CTSC: variants seen among roughly 807,000 people sequenced by gnomAD.
CTSC encodes cathepsin C.
CTSC carries 37 observed loss-of-function variants against 40.9 expected under a neutral mutation model. The ratio of observed to expected loss-of-function variants is 0.91; its 90% CI spans 0.70 to 1.19. The LOEUF (loss-of-function observed/expected upper bound fraction) is 1.19. CTSC is among the 50% of genes most tolerant of loss of function. CTSC has a pLI of 0.00. For synonymous variants in CTSC, 232 were observed against 207.4 expected (o/e 1.12, Z -1.02); for missense variants, 594 against 567.3 (o/e 1.05, Z -0.48).
Position 88,294,441 on chromosome 11 carries a change from T to G in CTSC, c.957A>C (p.Glu319Asp). 1 of 1,614,128 alleles carries G rather than the reference T, an allele frequency of 6.2e-7. No homozygotes were observed. The highest frequency in any genetic ancestry group is 8.5e-7 in the Non-Finnish European group (1 of 1,180,008). Residue 319 changes from glutamate to aspartate, a missense_variant, in exon 7 of 7, where the codon GAA becomes GAC. Coordinates refer to ENST00000227266, the MANE Select transcript of CTSC (RefSeq NM_001814.6). ...KYAQDFGLVE[E>D]ACFPYTGTDS... Reference sequence around the variant, plus strand: ...CAGTGCCTGTGTAGGGGAAGCAAGCTTCTTCCACCAGCCCAAAATCTTGGG... The same window carrying G: ...CAGTGCCTGTGTAGGGGAAGCAAGCGTCTTCCACCAGCCCAAAATCTTGGG...
intron 2 of CTSC, chr11:88,321,230 C>A (rs1225088547): frequency 3.6e-5 from 6 of 165,502 alleles, no homozygotes; most frequent in African/African-American, 1.4e-4. Flanking sequence ...GTTTCCTGCA[C>A]CTATCAACTC....
At position 88,294,081 on chromosome 11, in the gene CTSC, G is replaced by C. The variant is rs755360200; in HGVS notation, c.1317C>G (p.Phe439Leu). ...ACTCATCAGTTCCTCTGCGGATCCG[G>C]AAGTAGCCATTCTCACCCCAGCCGG... ...WGTGWGENGY[F>L]RIRRGTDECA... The change falls in exon 7 of 7, where the codon TTC (phenylalanine) becomes TTG (leucine). Residue 439 changes from phenylalanine to leucine, a missense_variant. Coordinates refer to ENST00000227266, the MANE Select transcript of CTSC (RefSeq NM_001814.6). The C allele has an allele frequency of 1.2e-5, 20 of 1,613,828 alleles. No homozygotes were observed. The highest frequency in any genetic ancestry group is 1.7e-5 in the Non-Finnish European group (20 of 1,180,012).
chr11:88,331,875 A>C (rs1243362391), intron 2 of CTSC, among the ~76,000 whole-genome samples: 1 of 152,160 alleles, frequency 6.6e-6, no homozygotes, highest in Non-Finnish European at 1.5e-5. Context: ...AAGATCAGAG[A>C]GAGAGATTCT....
At chr11:88,305,411 G>A (rs1937622110) in intron 4 of CTSC, among the ~76,000 whole-genome samples, 1 of 152,196 alleles carries the variant, frequency 6.6e-6, no homozygotes. Flanking sequence ...GAGAGAGCAA[G>A]AGGAGTCTGG....
intron 3 of CTSC, among the ~76,000 whole-genome samples, chr11:88,309,780 T>G (rs1937707086): frequency 6.7e-6 from 1 of 149,768 alleles, no homozygotes; most frequent in South Asian, 2.1e-4. Flanking sequence ...TATATTAACG[T>G]ATATGTATAA....
chr11:88,320,333 C>T (rs1436687234), intron 2 of CTSC, among the ~76,000 whole-genome samples: 3 of 152,156 alleles, frequency 2.0e-5, no homozygotes, highest in Non-Finnish European at 4.4e-5. Flanking sequence ...AAGAAAACAG[C>T]AATTTACTGC....
chr11:88,323,599 A>G (rs1199289691), intron 2 of CTSC: 1 of 152,178 alleles, frequency 6.6e-6, no homozygotes, highest in Non-Finnish European at 1.5e-5. Context: ...AATGTGCAGA[A>G]GTCACCAGGA....
chr11:88,299,117 G>T (rs1256821005), intron 5 of CTSC: 1 of 151,806 alleles, frequency 6.6e-6, no homozygotes, highest in African/African-American at 2.4e-5. Context: ...AGATGTTCTG[G>T]TAACAACACC....
At chr11:88,296,092 G>A (rs368362619) in intron 6 of CTSC, 41 bp downstream of exon 6, 196 of 1,609,596 alleles carry the variant, frequency 1.2e-4, no homozygotes, top group Non-Finnish European at 1.5e-4. Context: ...GCTGCACACA[G>A]GTAAATAGCT....
chr11:88,325,297 A>G, intron 2 of CTSC: 2 of 985,406 alleles, frequency 2.0e-6, no homozygotes, highest in Non-Finnish European at 2.4e-6. Flanking sequence ...TTGGTCTTCA[A>G]TGAAAAAACC....
chr11:88,313,319 C>A (rs911243529), intron 2 of CTSC, among the ~76,000 whole-genome samples: 4 of 152,174 alleles, frequency 2.6e-5, no homozygotes, highest in African/African-American at 7.2e-5. Context: ...CCACCCACCT[C>A]GGCCTCCCAA....
At chr11:88,307,487 A>G (rs1937659966) in intron 4 of CTSC, among the ~76,000 whole-genome samples, 2 of 151,492 alleles carry the variant, frequency 1.3e-5, no homozygotes, top group Non-Finnish European at 1.5e-5. Flanking sequence ...TAAGAAATAT[A>G]CCATGGGGCT....
chr11:88,315,327 A>G (rs1937850935), intron 2 of CTSC, among the ~76,000 whole-genome samples: 1 of 152,226 alleles, frequency 6.6e-6, no homozygotes, highest in African/African-American at 2.4e-5. Context: ...ACAGGAAGAC[A>G]TTCACTGCAG....
intron 2 of CTSC, chr11:88,324,933 G>A (rs1421302921): frequency 2.2e-5 from 22 of 985,252 alleles, no homozygotes; most frequent in Non-Finnish European, 2.5e-5. Context: ...ATACCTCTCA[G>A]ATCATACAAA....
At chr11:88,325,930 C>T in intron 2 of CTSC, 1 of 990,106 alleles carries the variant, frequency 1.0e-6, no homozygotes, top group Non-Finnish European at 1.2e-6. Context: ...TTGGGTTCCT[C>T]AAGGTAATTA....
At chr11:88,309,709 G>A (rs1218986210) in intron 3 of CTSC, among the ~76,000 whole-genome samples, 1 of 151,588 alleles carries the variant, frequency 6.6e-6, no homozygotes, top group Non-Finnish European at 1.5e-5. Flanking sequence ...AGATATCAAA[G>A]TTTATACATA....
rs376474143 is a variant in CTSC, at chr11:88,294,239, T to A, written c.1159A>T (p.Ile387Phe). Residue 387 changes from isoleucine (I) to phenylalanine (F), a missense_variant, in exon 7 of 7, where the codon ATC becomes TTC. Ile to Phe is a conservative substitution (Grantham distance 21, BLOSUM62 0). Coordinates refer to ENST00000227266, the MANE Select transcript of CTSC (RefSeq NM_001814.6). ...YDDFLHYKKG[I>F]YHHTGLRDPF... is the part of the protein sequence containing the mutation. ...TCTCTTAGACCAGTGTGGTGGTAGA[T>A]CCCCTTTTTGTAGTGGAGGAAGTCA... 1.2e-6 allele frequency: 2 copies of A among 1,613,916 alleles called. No individual in the cohort carries two copies. The highest frequency in any genetic ancestry group is 1.1e-5 in the South Asian group (1 of 91,072).
intron 2 of CTSC, among the ~76,000 whole-genome samples, chr11:88,315,880 C>G (rs1937867225): frequency 6.6e-6 from 1 of 151,998 alleles, no homozygotes. Context: ...TTGAGCCTCA[C>G]GATAATCTCT....
chr11:88,294,174 C>A lies in CTSC; in HGVS notation c.1224G>T (p.Leu408=). The A allele has an allele frequency of 1.2e-6, 2 of 1,613,884 alleles. No individual in the cohort carries two copies. Among genetic ancestry groups the A allele is most frequent in the East Asian group, 4.5e-5 (2 of 44,868 alleles). Residue 408 remains leucine, a synonymous_variant, in exon 7 of 7, where the codon CTG becomes CTT. Transcript: ENST00000227266. ...CTGAGTCAGTGCCATAGCCCACAAG[C>A]AGAACAGCATGATTAGTCAGCTCAA... The part of the protein sequence containing the change: ...NPFELTNHAV[L]LVGYGTDSAS...
Sources: gnomAD v4.1 joint callset for allele counts (sites outside exome capture counted in the v4.1 genomes callset) on GRCh38, gnomAD v4.1.1 for gene constraint, MANE v1.5 for transcripts, NCBI Gene and HGNC (gene_info 2026-07-23, HGNC 2026-07-21) for gene names.